Variants in PITPNM3 observed in about 807,000 individuals in gnomAD.
PITPNM3 encodes membrane-associated phosphatidylinositol transfer protein 3.
In PITPNM3, 26 loss-of-function variants were observed where a neutral mutation model predicts 102.0. The ratio of observed to expected loss-of-function variants is 0.25; its 90% confidence interval spans 0.19 to 0.35. The LOEUF (loss-of-function observed/expected upper bound fraction) is 0.35. Ranked by LOEUF, PITPNM3 falls within the 10% of genes least tolerant of loss-of-function variation. The pLI, the probability that PITPNM3 is intolerant of heterozygous loss-of-function variation, is 1.00. For missense variants in PITPNM3, 1,083 were observed against 1,346.1 expected (o/e 0.80, Z 3.06); for synonymous variants, 578 against 558.6 (o/e 1.03, Z -0.49).
chr17:6,509,759 C>T (rs1235845056), intron 3 of PITPNM3, among the ~76,000 whole-genome samples: 2 of 152,216 alleles, frequency 1.3e-5, no homozygotes, highest in African/African-American at 4.8e-5. Flanking sequence ...TAAGCCCCTG[C>T]ACTCATTCCC....
rs1427037753 is a variant in PITPNM3, at chr17:6,545,746, G to T, written c.23-7664C>A. Among the ~76,000 whole-genome samples the T allele has an allele frequency of 2.5e-4, 19 of 74,866 alleles. No homozygotes were observed. In the East Asian group the frequency reaches 7.2e-3, roughly 28 times the overall value. The allele number at this position is 74,866 out of a possible 152,430, so 49.1% of individuals were successfully genotyped here. On this transcript the variant is annotated intron_variant, in intron 1 of 19. Coordinates refer to ENST00000262483, the MANE Select transcript of PITPNM3 (RefSeq NM_031220.4). ...CTTTCTTGGCCCCTGAGGCCAGCCC[G>T]GGTGCCTGTCTCCTTGTGGGTCCTT...
At chr17:6,481,982 G>A (rs1266010308) in intron 6 of PITPNM3, among the ~76,000 whole-genome samples, 1 of 86,074 alleles carries the variant, frequency 1.2e-5, no homozygotes, top group East Asian at 3.7e-4. Flanking sequence ...TAGGAAAACA[G>A]AACCTCTCTC....
chr17:6,535,044 A>G (rs1280006071), intron 2 of PITPNM3, among the ~76,000 whole-genome samples: 1 of 152,142 alleles, frequency 6.6e-6, no homozygotes, highest in Non-Finnish European at 1.5e-5. Context: ...TGAGGGGCTC[A>G]TGGGGGAAAC....
chr17:6,457,565 T>G lies in PITPNM3; in HGVS notation c.2619+29A>C. 1.2e-6 allele frequency: 2 copies of G among 1,611,142 alleles called. No homozygotes were observed. The highest frequency in any genetic ancestry group is 1.7e-6 in the Non-Finnish European group (2 of 1,178,778). On this transcript the variant is annotated intron_variant, in intron 19 of 19. Transcript: ENST00000262483. The surrounding 1 kb of genome is among the most constrained non-coding windows in gnomAD (Gnocchi z 4.7). Reference sequence around the variant, plus strand: ...CCCTTTCCCTGACCTCCCTCACAACTCCCCGCCTCCAGCCCCGCCTCCACC... The same window carrying G: ...CCCTTTCCCTGACCTCCCTCACAACGCCCCGCCTCCAGCCCCGCCTCCACC...
At chr17:6,523,600 G>A (rs1949026700) in intron 3 of PITPNM3, among the ~76,000 whole-genome samples, 1 of 152,208 alleles carries the variant, frequency 6.6e-6, no homozygotes, top group African/African-American at 2.4e-5. Context: ...GGAAGGGGAT[G>A]GCCAAATGGA....
chr17:6,529,303 T>C (rs1909011971), intron 2 of PITPNM3, among the ~76,000 whole-genome samples: 1 of 152,132 alleles, frequency 6.6e-6, no homozygotes, highest in African/African-American at 2.4e-5. Context: ...GTAAAGAATC[T>C]CTTTGTCTTG....
At chr17:6,544,972 C>T (rs1909942318) in intron 1 of PITPNM3, among the ~76,000 whole-genome samples, 1 of 152,138 alleles carries the variant, frequency 6.6e-6, no homozygotes, top group African/African-American at 2.4e-5. Flanking sequence ...GCAGTGCTTC[C>T]TACAGCCTGG....
At chr17:6,550,013 G>A (rs1438962066) in intron 1 of PITPNM3, among the ~76,000 whole-genome samples, 2 of 152,212 alleles carry the variant, frequency 1.3e-5, no homozygotes, top group Non-Finnish European at 2.9e-5. Context: ...CCCACAGCCA[G>A]GGAGGCTCTC....
chr17:6,503,482 C>T (rs1043986564), intron 4 of PITPNM3, 45 bp downstream of exon 4: 10 of 1,599,740 alleles, frequency 6.3e-6, no homozygotes, highest in Admixed American at 1.7e-5. Flanking sequence ...AGCTTGCACC[C>T]ATCCAAGGGG....
At chr17:6,515,930 T>C (rs1411085411) in intron 3 of PITPNM3, among the ~76,000 whole-genome samples, 1 of 152,146 alleles carries the variant, frequency 6.6e-6, no homozygotes, top group African/African-American at 2.4e-5. Context: ...CATGTAATCC[T>C]AGCACTTTGA....
intron 4 of PITPNM3, among the ~76,000 whole-genome samples, chr17:6,500,267 C>A (rs949129416): frequency 1.3e-5 from 2 of 152,192 alleles, no homozygotes; most frequent in African/African-American, 4.8e-5. Context: ...TCCAGTGGAA[C>A]TATTAAATAA....
chr17:6,476,880 TACA>T, intron 9 of PITPNM3, 146 bp downstream of exon 9: 44 of 950,038 alleles, frequency 4.6e-5, no homozygotes, highest in Admixed American at 2.6e-4. Flanking sequence ...GGTCCCTCAG[TACA>T]GGGCCGATGG....
At chr17:6,489,843 A>C (rs976680256) in intron 4 of PITPNM3, among the ~76,000 whole-genome samples, 1 of 151,986 alleles carries the variant, frequency 6.6e-6, no homozygotes. Context: ...ATCTCTACTA[A>C]AAATACAAAA....
chr17:6,512,433 T>C (rs1002410832), intron 3 of PITPNM3, among the ~76,000 whole-genome samples: 3 of 152,204 alleles, frequency 2.0e-5, no homozygotes, highest in African/African-American at 7.2e-5. Context: ...ATTGGACCTG[T>C]GGAGTCCTTA....
rs1904920771 is a variant in PITPNM3 at position 6,468,949 on chromosome 17, G to A, written c.1774-608C>T. On this transcript the variant is annotated intron_variant, in intron 13 of 19. Transcript: ENST00000262483. This position sits in a 1 kb window ranked among gnomAD's most constrained non-coding sequence, Gnocchi z 5.2. ...CCCTCTCCTCCACCCACTCCAGTCA[G>A]GGTTCTTCTCCATCACTCCTCTACG... 6.6e-6 allele frequency among the ~76,000 whole-genome samples: 1 copy of A among 151,942 alleles called. No individual in the cohort carries two copies. Among genetic ancestry groups the A allele is most frequent in the African/African-American group, 2.4e-5 (1 of 41,352 alleles).
At position 6,556,208 on chromosome 17, in the gene PITPNM3, G is replaced by A. The variant is rs550299679; in HGVS notation, c.22+177C>T. The stretch of plus-strand genomic sequence containing the variant: ...TGACCGGGGGCGCAGGAAGGACGGG[G>A]GGCGCGCGGAGCCCCCTCTCCACGC... On this transcript the variant is annotated intron_variant, in intron 1 of 19. Transcript: ENST00000262483. The surrounding 1 kb of genome is among the most constrained non-coding windows in gnomAD (Gnocchi z 5.2). 5.9e-5 allele frequency among the ~76,000 whole-genome samples: 9 copies of A among 151,970 alleles called. 2 individuals carry two copies. The South Asian group carries it at 1.9e-3, about 32-fold the overall frequency.
In PITPNM3 at chr17:6,533,867, C is replaced by T. The variant is rs537732111; in HGVS notation, c.118+4120G>A. ...CAGGACTCGCTTGCTCCTGTATCCC[C>T]CACACCCAGAAGAGCACCTGGCACT... On this transcript the variant is annotated intron_variant, in intron 2 of 19. Coordinates refer to ENST00000262483, the MANE Select transcript of PITPNM3 (RefSeq NM_031220.4). Among the ~76,000 whole-genome samples, 7 of 152,268 alleles carry T rather than the reference C, an allele frequency of 4.6e-5. No individual in the cohort carries two copies. In the South Asian group the frequency reaches 1.5e-3, roughly 32 times the overall value.
rs368343508 is a variant in PITPNM3 at position 6,472,718 on chromosome 17, C to T, written c.1368G>A (p.Pro456=). The T allele has an allele frequency of 1.7e-5, 28 of 1,613,912 alleles. No individual in the cohort carries two copies. Among genetic ancestry groups the T allele is most frequent in the African/African-American group, 4.0e-5 (3 of 74,928 alleles). ...TCTGGTAGCGAGGCACGCTGACAGG[C>T]GGCACCAGGTGGAACTTGGGCTCCA... ...PLLEPKFHLV[P]PVSVPRYQRF... Residue 456 remains proline, a synonymous_variant, in exon 11 of 20, where the codon CCG becomes CCA. Coordinates refer to ENST00000262483, the MANE Select transcript of PITPNM3 (RefSeq NM_031220.4). The surrounding 1 kb of genome is among the most constrained non-coding windows in gnomAD (Gnocchi z 4.1).
In PITPNM3 at chr17:6,469,952, G is replaced by T. The variant is rs1904981137; in HGVS notation, c.1773+308C>A. Among the ~76,000 whole-genome samples the T allele has an allele frequency of 1.3e-5, 2 of 151,828 alleles. No homozygotes were observed. The highest frequency in any genetic ancestry group is 4.2e-4 in the South Asian group (2 of 4,780). On this transcript the variant is annotated intron_variant, in intron 13 of 19. Coordinates refer to ENST00000262483, the MANE Select transcript of PITPNM3 (RefSeq NM_031220.4). This position sits in a 1 kb window ranked among gnomAD's most constrained non-coding sequence, Gnocchi z 4.0. ...TTGCAGACGAGGACATTGAGACTCA[G>T]TGGGGAGTGGGAACTGACTACTCCA...
Sources: allele counts gnomAD v4.1 joint callset (sites outside exome capture counted in the v4.1 genomes callset), GRCh38; gene constraint gnomAD v4.1.1; non-coding constraint Gnocchi (gnomAD v3.1); transcripts MANE v1.5; gene names NCBI Gene and HGNC (gene_info 2026-07-23, HGNC 2026-07-21).